The following CDO1 variants were observed in gnomAD, a reference collection of about 807,000 sequenced individuals.
The protein encoded by CDO1 is cysteine dioxygenase type 1.
CDO1 carries 19 observed loss-of-function variants against 24.5 expected under a neutral mutation model. The observed-to-expected ratio is 0.77, with a 90% CI of 0.54 to 1.14. CDO1 has a LOEUF of 1.14. CDO1 is among the 50% of genes most tolerant of loss of function. The pLI is 0.00. For synonymous variants in CDO1, 91 were observed against 87.0 expected (o/e 1.05, Z -0.26); for missense variants, 244 against 244.8 (o/e 1.00, Z 0.02).
At position 115,810,126 on chromosome 5, in the gene CDO1, T is replaced by A. The variant is rs142883365; in HGVS notation, c.403+1035A>T. Among the ~76,000 whole-genome samples, 230 of 152,342 alleles carry A rather than the reference T, an allele frequency of 1.5e-3. 1 individual carries two copies. The highest frequency in any genetic ancestry group is 5.1e-3 in the African/African-American group (212 of 41,582). On this transcript the variant is annotated intron_variant, in intron 3 of 4. Coordinates refer to ENST00000250535, the MANE Select transcript of CDO1 (RefSeq NM_001801.3). Reference sequence around the variant, plus strand: ...TCTGAAATTATTCTGAAAGCTTTACTGTGAATGTACAGACAACAGAATTTT... The same window carrying A: ...TCTGAAATTATTCTGAAAGCTTTACAGTGAATGTACAGACAACAGAATTTT...
chr5:115,813,020 C>A (rs1240332937), intron 2 of CDO1, among the ~76,000 whole-genome samples, 161 bp downstream of exon 2: 1 of 135,156 alleles, frequency 7.4e-6, no homozygotes, highest in Non-Finnish European at 1.5e-5. Flanking sequence ...TCACTCCAGC[C>A]TGGGCAACAA....
At chr5:115,806,919 C>T (rs1759972068) in intron 3 of CDO1, among the ~76,000 whole-genome samples, 1 of 152,194 alleles carries the variant, frequency 6.6e-6, no homozygotes, top group African/African-American at 2.4e-5. Context: ...GAATTGACAG[C>T]ACCAGGTACT....
At chr5:115,809,153 T>C (rs900771129) in intron 3 of CDO1, among the ~76,000 whole-genome samples, 1 of 152,204 alleles carries the variant, frequency 6.6e-6, no homozygotes, top group African/African-American at 2.4e-5. Context: ...ATCTAATGCA[T>C]GCTGACAATC....
chr5:115,808,168 G>A (rs1561435802), intron 3 of CDO1, among the ~76,000 whole-genome samples: 1 of 151,936 alleles, frequency 6.6e-6, no homozygotes, highest in Non-Finnish European at 1.5e-5. Context: ...TGGTAGAGAT[G>A]GGGTTTCAAC....
At chr5:115,807,147 G>A (rs1425562435) in intron 3 of CDO1, among the ~76,000 whole-genome samples, 1 of 152,002 alleles carries the variant, frequency 6.6e-6, no homozygotes, top group Non-Finnish European at 1.5e-5. Context: ...CATACTGAAT[G>A]GTAAAAATCC....
chr5:115,816,455 G>T lies in CDO1; in HGVS notation c.-58C>A, dbSNP rs562151025. 1 of 1,589,246 alleles carries T rather than the reference G, an allele frequency of 6.3e-7. No individual in the cohort carries two copies. Among genetic ancestry groups the T allele is most frequent in the Non-Finnish European group, 8.6e-7 (1 of 1,168,438 alleles). On this transcript the variant is annotated 5_prime_UTR_variant, in exon 1 of 5. Transcript: ENST00000250535. ...TGCTGGGCTGCGGTGGAGGAGCTGA[G>T]CGAGCCAAGGAGCTGGGGGCGAGGG...
At position 115,816,009 on chromosome 5, in the gene CDO1, T is replaced by G. The variant is rs546257685; in HGVS notation, c.170+219A>C. On this transcript the variant is annotated intron_variant, in intron 1 of 4. Coordinates refer to ENST00000250535, the MANE Select transcript of CDO1 (RefSeq NM_001801.3). ...CCTGTCCGCCGTTCCCGGCCGGAGG[T>G]CAGCAAGGCCAGTAGGATCCACCTT... Among the ~76,000 whole-genome samples, 474 of 152,074 alleles carry G rather than the reference T, an allele frequency of 3.1e-3. 1 individual carries two copies. The highest frequency in any genetic ancestry group is 4.9e-3 in the Non-Finnish European group (330 of 67,954).
chr5:115,812,280 A>C (rs1215365525), intron 2 of CDO1, among the ~76,000 whole-genome samples: 1 of 152,228 alleles, frequency 6.6e-6, no homozygotes, highest in South Asian at 2.1e-4. Flanking sequence ...AAATGGATCT[A>C]AATTATTGCT....
chr5:115,807,593 ACAGAAAC>A (rs1461335345), intron 3 of CDO1, among the ~76,000 whole-genome samples: 1 of 152,064 alleles, frequency 6.6e-6, no homozygotes, highest in Non-Finnish European at 1.5e-5. Context: ...GGTTGAAGAA[ACAGAAAC>A]CAGAAAAGGG....
chr5:115,814,397 TG>T (rs1228481085), intron 1 of CDO1: 8 of 152,232 alleles, frequency 5.3e-5, no homozygotes, highest in African/African-American at 1.9e-4. Flanking sequence ...ATTCACAGCC[TG>T]GCCCACACGG....
chr5:115,816,100 G>A, intron 1 of CDO1, 128 bp downstream of exon 1: 1 of 927,270 alleles, frequency 1.1e-6, no homozygotes, highest in Non-Finnish European at 1.6e-6. Flanking sequence ...CCAGCGAGGG[G>A]GCGAGCGGCG....
Position 115,804,747 on chromosome 5 carries a change from A to T in CDO1, c.*686T>A, listed in dbSNP as rs1182095901. On this transcript the variant is annotated 3_prime_UTR_variant, in exon 5 of 5. Coordinates refer to ENST00000250535, the MANE Select transcript of CDO1 (RefSeq NM_001801.3). ...ACACCTTCAAATTGTGTTCAAATCC[A>T]CTTTATTTAAATTATTTGGTAATTT... The T allele has an allele frequency of 6.6e-6, 1 of 151,794 alleles. No homozygotes were observed. Among genetic ancestry groups the T allele is most frequent in the Non-Finnish European group, 1.5e-5 (1 of 67,988 alleles). 9.4% of individuals were successfully genotyped at this position (151,794 alleles called of 1,614,324 possible).
chr5:115,809,992 T>C (rs1760115504), intron 3 of CDO1, among the ~76,000 whole-genome samples: 1 of 152,186 alleles, frequency 6.6e-6, no homozygotes, highest in South Asian at 2.1e-4. Context: ...GGTTTTTGCA[T>C]TGAAGACCTT....
intron 3 of CDO1, among the ~76,000 whole-genome samples, chr5:115,807,126 A>T (rs1759980511): frequency 6.6e-6 from 1 of 152,202 alleles, no homozygotes; most frequent in Non-Finnish European, 1.5e-5. Flanking sequence ...GGTGAATTAA[A>T]CAAAAGCTTC....
chr5:115,805,144 A>C lies in CDO1; in HGVS notation c.*289T>G. 1 of 334,352 alleles carries C rather than the reference A, an allele frequency of 3.0e-6. No individual in the cohort carries two copies. Among genetic ancestry groups the C allele is most frequent in the Admixed American group, 4.6e-5 (1 of 21,532 alleles). The allele number at this position is 334,352 out of a possible 1,614,324, so 20.7% of individuals were successfully genotyped here. Reference sequence around the variant, plus strand: ...CCAAAAGCTATGAAAACCCTCACTGACGCTCCTAGTATGGATTTAATGGAA... The same window carrying C: ...CCAAAAGCTATGAAAACCCTCACTGCCGCTCCTAGTATGGATTTAATGGAA... On this transcript the variant is annotated 3_prime_UTR_variant, in exon 5 of 5. Transcript: ENST00000250535.
chr5:115,815,863 G>T (rs1320602415), intron 1 of CDO1, among the ~76,000 whole-genome samples: 2 of 152,250 alleles, frequency 1.3e-5, no homozygotes, highest in African/African-American at 4.8e-5. Flanking sequence ...GATGGCTTGG[G>T]AGTGTGGGCA....
In CDO1 at chr5:115,816,160, C is replaced by T. The variant is rs564467223; in HGVS notation, c.170+68G>A. 3.3e-4 allele frequency: 497 copies of T among 1,516,078 alleles called. 3 individuals are homozygous for T. Among genetic ancestry groups the T allele is most frequent in the Middle Eastern group, 1.0e-3 (5 of 4,890 alleles). The allele number at this position is 1,516,078 out of a possible 1,614,324, so 93.9% of individuals were successfully genotyped here. ...GAGCCAGTCACTTTGGGCTGCGTCC[C>T]CCACGTCCATTCCTCCTCAGACGGG... is the stretch of plus-strand genomic sequence containing the variant. On this transcript the variant is annotated intron_variant, in intron 1 of 4. Transcript: ENST00000250535.
At position 115,816,349 on chromosome 5, in the gene CDO1, G is replaced by A. The variant is rs1157991434; in HGVS notation, c.49C>T (p.Arg17Cys). 1.9e-6 allele frequency: 3 copies of A among 1,614,018 alleles called. No homozygotes were observed. The highest frequency in any genetic ancestry group is 2.5e-6 in the Non-Finnish European group (3 of 1,180,028). ...CCGGCAAAGAGCTGGTGCAGGATGC[G>A]GATCAGATCAGCCAGGGTCCGTGGC... Reference protein sequence around the residue: ...LKPRTLADLIRILHQLFAGDE... With the variant: ...LKPRTLADLICILHQLFAGDE... Residue 17 changes from arginine to cysteine, a missense_variant, in exon 1 of 5, where the codon CGC (arginine) becomes TGC (cysteine). Physicochemically the swap from Arg to Cys is radical, Grantham distance 180. Coordinates refer to ENST00000250535, the MANE Select transcript of CDO1 (RefSeq NM_001801.3).
At chr5:115,808,005 G>C (rs777824530) in intron 3 of CDO1, among the ~76,000 whole-genome samples, 1 of 151,760 alleles carries the variant, frequency 6.6e-6, no homozygotes, top group Non-Finnish European at 1.5e-5. Flanking sequence ...ACAAAAACAG[G>C]GTCTCATTCT....
Sources: allele counts gnomAD v4.1 joint callset (sites outside exome capture counted in the v4.1 genomes callset), GRCh38; gene constraint gnomAD v4.1.1; transcripts MANE v1.5; gene names NCBI Gene and HGNC (gene_info 2026-07-23, HGNC 2026-07-21).